Variants in KIAA1328 observed in about 807,000 individuals in gnomAD.
KIAA1328 encodes KIAA1328.
A neutral mutation model predicts 68.1 loss-of-function variants in KIAA1328; 52 were observed. That is an observed-to-expected ratio of 0.76 (90% CI 0.61 to 0.96). The LOEUF is 0.96. Among genes scored for constraint, KIAA1328 ranks in the 40% least tolerant of loss-of-function variants. The pLI, the probability that KIAA1328 is intolerant of heterozygous loss-of-function variation, is 0.00. For synonymous variants in KIAA1328, 232 were observed against 239.4 expected (o/e 0.97, Z 0.28); for missense variants, 641 against 677.6 (o/e 0.95, Z 0.60).
At chr18:36,864,141 T>G (rs558041038) in intron 4 of KIAA1328, among the ~76,000 whole-genome samples, 2 of 152,322 alleles carry the variant, frequency 1.3e-5, no homozygotes, top group South Asian at 4.1e-4. Flanking sequence ...TTTTATAAGA[T>G]TTTTATTATG....
At chr18:37,112,130 C>G (rs2057949562) in intron 7 of KIAA1328, among the ~76,000 whole-genome samples, 1 of 152,232 alleles carries the variant, frequency 6.6e-6, no homozygotes, top group Admixed American at 6.5e-5. Context: ...GCAGAAACTT[C>G]TGCAGACTTA....
At chr18:37,041,668 G>C (rs1048524765) in intron 6 of KIAA1328, among the ~76,000 whole-genome samples, 1 of 146,662 alleles carries the variant, frequency 6.8e-6, no homozygotes, top group Non-Finnish European at 1.5e-5. Context: ...GTGTGTGTGT[G>C]TGTGTGTGTA....
chr18:37,088,956 A>G (rs919338067), intron 7 of KIAA1328, among the ~76,000 whole-genome samples: 3 of 152,176 alleles, frequency 2.0e-5, no homozygotes, highest in African/African-American at 7.2e-5. Context: ...GCACTCTAAT[A>G]TGTATCCTTC....
chr18:37,048,150 C>T (rs1039281994), intron 6 of KIAA1328, among the ~76,000 whole-genome samples: 11 of 152,044 alleles, frequency 7.2e-5, no homozygotes, highest in African/African-American at 1.4e-4. Flanking sequence ...CTCAAATAAG[C>T]GAACAGAAGG....
In KIAA1328 at chr18:37,174,580, T is replaced by TTTTTA. The variant is rs1179906991; in HGVS notation, c.1523+1524_1523+1528dup. 3.4e-3 allele frequency among the ~76,000 whole-genome samples: 502 copies of TTTTTA among 148,680 alleles called. 2 individuals carry two copies. Among genetic ancestry groups the TTTTTA allele is most frequent in the East Asian group, 6.9e-3 (35 of 5,092 alleles). On this transcript the variant is annotated intron_variant, in intron 9 of 9. Coordinates refer to ENST00000280020, the MANE Select transcript of KIAA1328 (RefSeq NM_020776.3). ...TTTTGGATTTTTATTTTTATTTTTA[T>TTTTTA]TTTTATTTTATTTTATTTTATTTTA...
At chr18:37,176,876 G>T (rs2059606551) in intron 9 of KIAA1328, among the ~76,000 whole-genome samples, 1 of 152,130 alleles carries the variant, frequency 6.6e-6, no homozygotes, top group Admixed American at 6.5e-5. Context: ...TAACCATTTT[G>T]TGCCTTCTAG....
At chr18:37,162,377 C>T (rs940891157) in intron 8 of KIAA1328, among the ~76,000 whole-genome samples, 2 of 151,910 alleles carry the variant, frequency 1.3e-5, no homozygotes, top group African/African-American at 2.4e-5. Context: ...TGAAAAAGAC[C>T]GCCTTGTATT....
chr18:37,157,700 T>C (rs1428903841), intron 7 of KIAA1328, among the ~76,000 whole-genome samples: 1 of 149,876 alleles, frequency 6.7e-6, no homozygotes, highest in African/African-American at 2.5e-5. Flanking sequence ...GTCCCAGCAC[T>C]CGGGAGGCTG....
chr18:37,097,461 A>G (rs967921223), intron 7 of KIAA1328, among the ~76,000 whole-genome samples: 7 of 152,122 alleles, frequency 4.6e-5, no homozygotes, highest in Non-Finnish European at 8.8e-5. Flanking sequence ...GTACCATGCT[A>G]TTTTGGTTAC....
chr18:36,871,818 A>C (rs563956268), intron 4 of KIAA1328, among the ~76,000 whole-genome samples: 1 of 152,174 alleles, frequency 6.6e-6, no homozygotes, highest in East Asian at 1.9e-4. Flanking sequence ...GTCCCAGCTA[A>C]ACTGCAGCAG....
At chr18:37,026,344 A>G (rs2054579727) in intron 6 of KIAA1328, among the ~76,000 whole-genome samples, 1 of 152,190 alleles carries the variant, frequency 6.6e-6, no homozygotes, top group Admixed American at 6.6e-5. Context: ...ATCAATAGAA[A>G]AAGAAGGAAT....
chr18:36,934,565 G>T (rs953553342), intron 5 of KIAA1328, among the ~76,000 whole-genome samples: 6 of 151,960 alleles, frequency 3.9e-5, no homozygotes, highest in Non-Finnish European at 7.4e-5. Flanking sequence ...GCAGTGTTTG[G>T]TTTTTTGTCC....
At chr18:37,140,178 A>AT (rs550949458) in intron 7 of KIAA1328, among the ~76,000 whole-genome samples, 5 of 150,004 alleles carry the variant, frequency 3.3e-5, no homozygotes, top group East Asian at 1.9e-4. Flanking sequence ...TCTAGGCTAG[A>AT]TTTTTTTTTT....
At chr18:36,915,019 T>G (rs2151085989) in intron 5 of KIAA1328, among the ~76,000 whole-genome samples, 1 of 152,344 alleles carries the variant, frequency 6.6e-6, no homozygotes, top group South Asian at 2.1e-4. Context: ...CAAGATTCTT[T>G]GCAGCTATTC....
intron 8 of KIAA1328, among the ~76,000 whole-genome samples, chr18:37,169,666 C>T (rs896223553): frequency 2.4e-4 from 36 of 152,174 alleles, no homozygotes; most frequent in African/African-American, 7.7e-4. Flanking sequence ...TTTCTGGAAA[C>T]GCAATAAGGA....
At chr18:37,002,205 T>G (rs893950180) in intron 6 of KIAA1328, among the ~76,000 whole-genome samples, 2 of 149,624 alleles carry the variant, frequency 1.3e-5, no homozygotes, top group African/African-American at 4.9e-5. Flanking sequence ...AGCATTTCTT[T>G]TTCTTTTTCT....
chr18:37,226,815 T>G (rs1037741893), downstream of KIAA1328, among the ~76,000 whole-genome samples: 4 of 148,654 alleles, frequency 2.7e-5, no homozygotes, highest in Admixed American at 6.9e-5. Flanking sequence ...TTGCCTAGGC[T>G]GGAGTGCAAT....
rs754413229 is a variant in KIAA1328, at chr18:36,844,349, T to C, written c.332+47T>C. ...AATGATTTATTATACAAAAGACAAC[T>C]CTTATTGAAAACAGAAAATTGCAAA... On this transcript the variant is annotated intron_variant, in intron 4 of 9. Transcript: ENST00000280020. 1.2e-5 allele frequency: 15 copies of C among 1,262,458 alleles called. No homozygotes were observed. In the South Asian group the frequency reaches 2.2e-4, roughly 18 times the overall value. The allele number at this position is 1,262,458 out of a possible 1,614,324, so 78.2% of individuals were successfully genotyped here.
intron 5 of KIAA1328, among the ~76,000 whole-genome samples, chr18:36,901,520 T>C (rs2049037690): frequency 6.6e-6 from 1 of 152,066 alleles, no homozygotes; most frequent in East Asian, 1.9e-4. Flanking sequence ...AAAGAATTGT[T>C]TTGAGAGTTG....
Sources: allele counts gnomAD v4.1 joint callset (sites outside exome capture counted in the v4.1 genomes callset), GRCh38; gene constraint gnomAD v4.1.1; transcripts MANE v1.5; gene names NCBI Gene and HGNC (gene_info 2026-07-23, HGNC 2026-07-21).